The following BNIPL variants were observed in gnomAD, a reference collection of about 807,000 sequenced individuals.
BNIPL encodes BCL2 interacting protein like.
A neutral mutation model predicts 47.0 loss-of-function variants in BNIPL; 33 were observed. The observed-to-expected ratio is 0.70, with a 90% CI of 0.53 to 0.94. The LOEUF (loss-of-function observed/expected upper bound fraction) is 0.94, where lower values mean the gene tolerates loss of function less well. Among genes scored for constraint, BNIPL ranks in the 40% least tolerant of loss-of-function variants. The pLI is 0.00. For synonymous variants in BNIPL, 145 were observed against 162.7 expected (o/e 0.89, Z 0.83); for missense variants, 404 against 445.2 (o/e 0.91, Z 0.83).
At chr1:151,039,736 G>A (rs939201351) in intron 4 of BNIPL, among the ~76,000 whole-genome samples, 29 of 152,174 alleles carry the variant, frequency 1.9e-4, no homozygotes, top group African/African-American at 6.7e-4. Context: ...AGACAATAGG[G>A]AGTCATGATA....
chr1:151,037,510 A>G (rs1675654169), intron 1 of BNIPL, 57 bp from the exon 2 acceptor site: 6 of 1,546,256 alleles, frequency 3.9e-6, no homozygotes, highest in Middle Eastern at 1.8e-4. Flanking sequence ...CTTCATTTCA[A>G]TTATTCTTAC....
At chr1:151,042,243 T>G (rs1358610567) in intron 4 of BNIPL, among the ~76,000 whole-genome samples, 1 of 151,790 alleles carries the variant, frequency 6.6e-6, no homozygotes, top group Non-Finnish European at 1.5e-5. Context: ...TCCATTTTTT[T>G]GTTGTTGTTG....
At position 151,047,461 on chromosome 1, in the gene BNIPL, CT is replaced by C; in HGVS notation, c.*779del. 1 of 191,716 alleles carries C rather than the reference CT, an allele frequency of 5.2e-6. No homozygotes were observed. The highest frequency in any genetic ancestry group is 1.1e-5 in the Non-Finnish European group (1 of 94,092). The allele number at this position is 191,716 out of a possible 1,614,324, so 11.9% of individuals were successfully genotyped here. A position where few individuals can be genotyped will look rare whatever the true frequency, so the allele number is the denominator to read the frequency against. On this transcript the variant is annotated 3_prime_UTR_variant, in exon 10 of 10. Coordinates refer to ENST00000368931, the MANE Select transcript of BNIPL (RefSeq NM_138278.4). ...AAATCTTGAAGAACCGCTGTATGCC[CT>C]TTTTCCTTCTAAGTCATGTCTGCTG...
At chr1:151,037,725 G>A in intron 2 of BNIPL, 63 bp downstream of exon 2, 1 of 1,412,580 alleles carries the variant, frequency 7.1e-7, no homozygotes, top group African/African-American at 1.4e-5. Flanking sequence ...GGAGGGGATG[G>A]CGCGGCGGCT....
chr1:151,041,594 G>A (rs587612878), intron 4 of BNIPL, among the ~76,000 whole-genome samples: 1 of 152,164 alleles, frequency 6.6e-6, no homozygotes, highest in East Asian at 1.9e-4. Context: ...GTGAGTCCCT[G>A]TCTCTAAAAG....
At chr1:151,042,867 A>G in intron 4 of BNIPL, 89 bp from the exon 5 acceptor site, 2 of 1,064,096 alleles carry the variant, frequency 1.9e-6, no homozygotes, top group Non-Finnish European at 2.7e-6. Flanking sequence ...ATGACAGATT[A>G]GAGTAACAAA....
At chr1:151,041,033 A>G (rs587635555) in intron 4 of BNIPL, among the ~76,000 whole-genome samples, 2 of 151,648 alleles carry the variant, frequency 1.3e-5, no homozygotes, top group Non-Finnish European at 2.9e-5. Flanking sequence ...AATTTTTTTT[A>G]AATTGGCTGG....
Position 151,037,627 on chromosome 1 carries a change from G to A in BNIPL, c.102G>A (p.Glu34=), listed in dbSNP as rs1233098318. 3 of 1,605,576 alleles carry A rather than the reference G, an allele frequency of 1.9e-6. No individual in the cohort carries two copies. The highest frequency in any genetic ancestry group is 1.7e-4 in the Middle Eastern group (1 of 6,038). ...LGAALRHGEL[E]LKEEWQDEEF... is the part of the protein sequence containing the mutation. The stretch of plus-strand genomic sequence containing the variant: ...CAGCCCTGAGACATGGGGAGTTGGA[G>A]CTGAAGGAGGAATGGCAGGATGAAG... Residue 34 remains glutamate, a synonymous_variant, in exon 2 of 10, where the codon GAG becomes GAA. Coordinates refer to ENST00000368931, the MANE Select transcript of BNIPL (RefSeq NM_138278.4).
intron 9 of BNIPL, 40 bp downstream of exon 9, chr1:151,046,205 G>A (rs762157873): frequency 1.9e-6 from 3 of 1,610,006 alleles, no homozygotes; most frequent in Non-Finnish European, 2.5e-6. Context: ...GGGGTGGGAT[G>A]TGTAAAGCCA....
intron 7 of BNIPL, among the ~76,000 whole-genome samples, chr1:151,044,208 C>T (rs1391838722): frequency 6.6e-6 from 1 of 152,166 alleles, no homozygotes; most frequent in Non-Finnish European, 1.5e-5. Context: ...TGGTCTCAAA[C>T]TCCTGAGCTC....
intron 7 of BNIPL, among the ~76,000 whole-genome samples, chr1:151,043,995 T>C (rs1558102444): frequency 6.7e-6 from 1 of 149,834 alleles, no homozygotes; most frequent in Non-Finnish European, 1.5e-5. Context: ...TGTTTTTTTG[T>C]TTTTTTTGAG....
intron 7 of BNIPL, among the ~76,000 whole-genome samples, chr1:151,043,992 T>C (rs1047154545): frequency 4.6e-5 from 7 of 151,864 alleles, no homozygotes; most frequent in Non-Finnish European, 1.5e-5. Context: ...TTTTGTTTTT[T>C]TGTTTTTTTT....
chr1:151,047,623 C>T lies in BNIPL; in HGVS notation c.*936C>T, dbSNP rs2102970123. On this transcript the variant is annotated 3_prime_UTR_variant, in exon 10 of 10. Coordinates refer to ENST00000368931, the MANE Select transcript of BNIPL (RefSeq NM_138278.4). ...AAGAAGTGAACGACTCTTTCACCAC[C>T]CCTTGCATCCCAAACCTTCGGTTCT... is the stretch of plus-strand genomic sequence containing the variant. The T allele has an allele frequency of 1.6e-6, 1 of 615,616 alleles. No individual in the cohort carries two copies. The highest frequency in any genetic ancestry group is 2.7e-6 in the Non-Finnish European group (1 of 376,934). 38.1% of individuals were successfully genotyped at this position (615,616 alleles called of 1,614,324 possible).
chr1:151,038,045 G>C (rs2902811), intron 2 of BNIPL, among the ~76,000 whole-genome samples: 96,584 of 139,838 alleles, frequency 0.69, 34,870 homozygotes, highest in East Asian at 0.88. Context: ...TGGACACAGG[G>C]ATGGTGAATT....
At chr1:151,038,129 C>A (rs1025353203) in intron 2 of BNIPL, among the ~76,000 whole-genome samples, 9 of 151,332 alleles carry the variant, frequency 5.9e-5, no homozygotes, top group African/African-American at 2.2e-4. Flanking sequence ...AATCCCAGCA[C>A]TTTGGGAGGC....
chr1:151,045,193 G>T (rs1342947156), intron 7 of BNIPL, among the ~76,000 whole-genome samples: 6 of 148,790 alleles, frequency 4.0e-5, no homozygotes, highest in Non-Finnish European at 8.9e-5. Context: ...ACTTGAACCC[G>T]GGAGGTGGAG....
intron 4 of BNIPL, among the ~76,000 whole-genome samples, chr1:151,040,675 A>AGGG (rs1675785627): frequency 6.6e-6 from 1 of 151,798 alleles, no homozygotes; most frequent in South Asian, 2.1e-4. Flanking sequence ...CACACCTGTA[A>AGGG]TCCCAGCTAC....
chr1:151,044,691 G>T (rs1675944360), intron 7 of BNIPL, among the ~76,000 whole-genome samples: 1 of 151,982 alleles, frequency 6.6e-6, no homozygotes, highest in Non-Finnish European at 1.5e-5. Context: ...CTGAGCTCAG[G>T]TGATCTGCCT....
In BNIPL at chr1:151,042,958, G is replaced by A. The variant is rs148767926; in HGVS notation, c.436G>A (p.Glu146Lys). The A allele has an allele frequency of 2.6e-6, 4 of 1,558,426 alleles. No individual in the cohort carries two copies. The highest frequency in any genetic ancestry group is 1.4e-5 in the African/African-American group (1 of 71,746). Residue 146 changes from glutamate to lysine, a missense_variant and splice_region_variant, in exon 5 of 10, where the codon GAA becomes AAA. Glu to Lys is a moderately conservative substitution (Grantham distance 56). Transcript: ENST00000368931. ...CCTTCCCCATCCCTCTCTTTTAGATGAACTACCCCGGGCAGAGGGTCTGGG... is the reference window on the plus strand; with the variant it reads ...CCTTCCCCATCCCTCTCTTTTAGATAAACTACCCCGGGCAGAGGGTCTGGG... ...DSGHEFEWED[E>K]LPRAEGLGTS...
Sources: gnomAD v4.1 joint callset for allele counts (sites outside exome capture counted in the v4.1 genomes callset) on GRCh38, gnomAD v4.1.1 for gene constraint, MANE v1.5 for transcripts, NCBI Gene and HGNC (gene_info 2026-07-23, HGNC 2026-07-21) for gene names.